NOS1: variants seen among roughly 807,000 people sequenced by gnomAD.
The protein encoded by NOS1 is NOS type I.
In NOS1, 51 loss-of-function variants were observed where a neutral mutation model predicts 164.5. The ratio of observed to expected loss-of-function variants is 0.31; its 90% CI spans 0.25 to 0.39. The LOEUF (loss-of-function observed/expected upper bound fraction) is 0.39. Ranked by LOEUF, NOS1 falls within the 10% of genes least tolerant of loss-of-function variation. NOS1 has a pLI of 1.00. For synonymous variants in NOS1, 719 were observed against 745.8 expected (o/e 0.96, Z 0.59); for missense variants, 1,362 against 1,885.6 (o/e 0.72, Z 5.14).
chr12:117,261,325 TC>T (rs1871895274), intron 13 of NOS1, among the ~76,000 whole-genome samples: 1 of 152,204 alleles, frequency 6.6e-6, no homozygotes, highest in East Asian at 1.9e-4. Context: ...AGATGATCGT[TC>T]ATCCATTTCC....
intron 1 of NOS1, among the ~76,000 whole-genome samples, chr12:117,353,099 GCTAT>G (rs1876702002): frequency 6.6e-6 from 1 of 150,666 alleles, no homozygotes; most frequent in Admixed American, 6.6e-5. Context: ...TACCTACCTA[GCTAT>G]CTATCCATCC....
chr12:117,287,713 A>G (rs950914525), intron 5 of NOS1, among the ~76,000 whole-genome samples: 2 of 152,250 alleles, frequency 1.3e-5, no homozygotes, highest in African/African-American at 4.8e-5. Context: ...TGCTGGGATT[A>G]CAGGCGTGAG....
Position 117,212,679 on chromosome 12 carries a change from T to C in NOS1, c.*2630A>G, listed in dbSNP as rs1956546693. The C allele has an allele frequency of 2.0e-6, 2 of 985,304 alleles. No individual in the cohort carries two copies. The highest frequency in any genetic ancestry group is 3.5e-5 in the African/African-American group (2 of 57,248). The allele number at this position is 985,304 out of a possible 1,614,324, so 61.0% of individuals were successfully genotyped here. On this transcript the variant is annotated 3_prime_UTR_variant, in exon 29 of 29. Coordinates refer to ENST00000317775, the MANE Select transcript of NOS1 (RefSeq NM_000620.5). ...CCATAACCCGAATAACCCCCAAATA[T>C]CTTGTCAACCCTATTTTGCTTACCC...
intron 1 of NOS1, among the ~76,000 whole-genome samples, chr12:117,336,624 A>C (rs181643883): frequency 0.016 from 2,385 of 152,286 alleles, 21 homozygotes; most frequent in Non-Finnish European, 0.024. Context: ...CCTGTTCCCC[A>C]AAAAACCTAT....
In NOS1 at chr12:117,217,461, T is replaced by C. The variant is rs373518721; in HGVS notation, c.4289+585A>G. Among the ~76,000 whole-genome samples the C allele has an allele frequency of 7.2e-5, 11 of 152,220 alleles. No homozygotes were observed. In the East Asian group the frequency reaches 9.7e-4, roughly 13 times the overall value. The stretch of plus-strand genomic sequence containing the variant: ...GGCTCACACCTATAATTCCAGCACT[T>C]TGGGAGGCTGAGGTGGGCAGATCAC... On this transcript the variant is annotated intron_variant, in intron 28 of 28. Transcript: ENST00000317775.
chr12:117,248,572 A>G (rs1870839736), intron 17 of NOS1, among the ~76,000 whole-genome samples: 2 of 151,378 alleles, frequency 1.3e-5, no homozygotes, highest in Non-Finnish European at 3.0e-5. Flanking sequence ...TATATGTGCC[A>G]CATTTTCTTA....
rs1872832466 is a variant in NOS1, at chr12:117,288,206, G to C, written c.995C>G (p.Thr332Ser). 6.2e-7 allele frequency: 1 copy of C among 1,612,728 alleles called. No homozygotes were observed. Among genetic ancestry groups the C allele is most frequent in the Non-Finnish European group, 8.5e-7 (1 of 1,179,550 alleles). The change falls in exon 5 of 29, where the codon ACT becomes AGT. Residue 332 changes from threonine (T) to serine (S), a missense_variant. Around this residue, in one of 4 missense-constraint regions of NOS1, gnomAD observed 129 missense variants for 186.0 expected, o/e 0.69. Coordinates refer to ENST00000317775, the MANE Select transcript of NOS1 (RefSeq NM_000620.5). ...HLKSTLETGC[T>S]EYICMGSIMH... ...GATGGAGCCCATGCAGATGTACTCA[G>C]TGCATCCCGTTTCCTGGAAGATCAA...
At chr12:117,305,649 G>C (rs921425047) in intron 3 of NOS1, among the ~76,000 whole-genome samples, 1 of 152,036 alleles carries the variant, frequency 6.6e-6, no homozygotes, top group Non-Finnish European at 1.5e-5. Flanking sequence ...GCGGTAATAG[G>C]GCTGTTTCCT....
chr12:117,215,817 T>A (rs1592917912), intron 28 of NOS1, among the ~76,000 whole-genome samples: 1 of 151,180 alleles, frequency 6.6e-6, no homozygotes, highest in East Asian at 1.9e-4. Flanking sequence ...AATGAATGAA[T>A]GAATGAATGC....
At chr12:117,343,294 A>C (rs1876202085) in intron 1 of NOS1, among the ~76,000 whole-genome samples, 1 of 152,072 alleles carries the variant, frequency 6.6e-6, no homozygotes. Context: ...GGAAGGAAGG[A>C]AAATGGGGGT....
At chr12:117,333,649 G>A (rs1875658693) in intron 1 of NOS1, among the ~76,000 whole-genome samples, 1 of 152,192 alleles carries the variant, frequency 6.6e-6, no homozygotes, top group Non-Finnish European at 1.5e-5. Context: ...GGCTCAGCCT[G>A]GGCTGCGTTC....
chr12:117,250,692 G>A (rs958603701), intron 17 of NOS1, among the ~76,000 whole-genome samples: 3 of 152,102 alleles, frequency 2.0e-5, no homozygotes, highest in Non-Finnish European at 4.4e-5. Context: ...CTTGCAGGGT[G>A]GCGGCCTGAC....
chr12:117,220,227 C>T lies in NOS1; in HGVS notation c.4018G>A (p.Val1340Met), dbSNP rs76104785. ...DILQEQLAES[V>M]YRALKEQGGH... The stretch of plus-strand genomic sequence containing the variant: ...CCTTGCTCCTTCAGGGCTCGGTACA[C>T]AGACTCCGCCAGCTGCTCCTGCAGG... Residue 1340 changes from valine to methionine, a missense_variant, in exon 27 of 29, where the codon GTG becomes ATG. Coordinates refer to ENST00000317775, the MANE Select transcript of NOS1 (RefSeq NM_000620.5). 8 of 1,612,656 alleles carry T rather than the reference C, an allele frequency of 5.0e-6. 1 individual carries two copies. The Admixed American group carries it at 1.3e-4, about 27-fold the overall frequency.
chr12:117,238,846 A>C (rs1056860439), intron 20 of NOS1, among the ~76,000 whole-genome samples: 2 of 152,160 alleles, frequency 1.3e-5, no homozygotes, highest in Middle Eastern at 3.4e-3. Flanking sequence ...TCCACTTTTA[A>C]CCTCAAATAA....
chr12:117,354,777 T>C (rs1876785790), intron 1 of NOS1, among the ~76,000 whole-genome samples: 1 of 152,180 alleles, frequency 6.6e-6, no homozygotes, highest in South Asian at 2.1e-4. Context: ...GGACTCTGTC[T>C]TCCCTTTCTT....
At chr12:117,279,941 G>A (rs1873497397) in intron 8 of NOS1, among the ~76,000 whole-genome samples, 1 of 152,212 alleles carries the variant, frequency 6.6e-6, no homozygotes, top group South Asian at 2.1e-4. Flanking sequence ...CTTCAAGGAG[G>A]TACCACCCGG....
In NOS1 at chr12:117,278,134, C is replaced by T. The variant is rs1292952358; in HGVS notation, c.1525-36G>A. On this transcript the variant is annotated intron_variant, in intron 8 of 28. Transcript: ENST00000317775. The stretch of plus-strand genomic sequence containing the variant: ...ACCCGGCCAGGTAATGCCACTGTAC[C>T]CCACACCCTACAAACACAACCCTTA... The T allele has an allele frequency of 2.5e-6, 4 of 1,582,918 alleles. No individual in the cohort carries two copies. The South Asian group carries it at 3.4e-5, about 13-fold the overall frequency.
At chr12:117,304,133 C>T (rs1874004845) in intron 3 of NOS1, among the ~76,000 whole-genome samples, 1 of 152,016 alleles carries the variant, frequency 6.6e-6, no homozygotes, top group African/African-American at 2.4e-5. Flanking sequence ...GATCAGGCCA[C>T]TGCACTCCAG....
intron 17 of NOS1, among the ~76,000 whole-genome samples, chr12:117,250,644 AC>A (rs1189003458): frequency 6.6e-6 from 1 of 152,038 alleles, no homozygotes; most frequent in Non-Finnish European, 1.5e-5. Flanking sequence ...TTTACTCTTA[AC>A]CAATGATCTT....
Sources: allele counts gnomAD v4.1 joint callset (sites outside exome capture counted in the v4.1 genomes callset), GRCh38; gene constraint gnomAD v4.1.1; regional missense constraint gnomAD v4.1.1; transcripts MANE v1.5; gene names NCBI Gene and HGNC (gene_info 2026-07-23, HGNC 2026-07-21).